The following SHANK2 variants were observed in gnomAD, a reference collection of about 807,000 sequenced individuals.
SHANK2 encodes SH3 and multiple ankyrin repeat domains 2.
Under a neutral mutation model 133.7 loss-of-function variants are expected in SHANK2, and 43 were observed. That is an observed-to-expected ratio of 0.32 (90% CI 0.25 to 0.41). The LOEUF (loss-of-function observed/expected upper bound fraction) is 0.41, where lower values mean the gene tolerates loss of function less well. SHANK2 is among the 10% of genes least tolerant of loss of function. The pLI is 1.00. For missense variants in SHANK2, 1,994 were observed against 2,235.8 expected, an observed-to-expected ratio of 0.89 and a Z score of 2.18; for synonymous variants, 1,017 against 952.8, an observed-to-expected ratio of 1.07 and a Z score of -1.24.
chr11:70,802,483 C>T (rs927960990), intron 13 of SHANK2, among the ~76,000 whole-genome samples: 6 of 152,180 alleles, frequency 3.9e-5, no homozygotes, highest in African/African-American at 1.2e-4. Context: ...CAGGTCACTG[C>T]GGAGGAGGGA....
chr11:71,119,673 C>T (rs1297856522), intron 3 of SHANK2, among the ~76,000 whole-genome samples: 4 of 152,066 alleles, frequency 2.6e-5, no homozygotes, highest in African/African-American at 7.2e-5. Context: ...TTGCATGGCA[C>T]TTCTCAAACT....
At chr11:70,903,419 A>ATAAAATAAAAT in intron 10 of SHANK2, among the ~76,000 whole-genome samples, 1 of 149,674 alleles carries the variant, frequency 6.7e-6, no homozygotes, top group East Asian at 2.0e-4. Flanking sequence ...ATAAAATAAA[A>ATAAAATAAAAT]TAAAATAAAA....
rs1284056626 is a variant in SHANK2 at position 71,085,710 on chromosome 11, A to ATATATTATAT, written c.912+6702_912+6711dup. The stretch of plus-strand genomic sequence containing the variant: ...TAATATATAACATATTATATGTTAT[A>ATATATTATAT]TATATTATATTATATAAAATATAAT... On this transcript the variant is annotated intron_variant, in intron 8 of 25. Transcript: ENST00000601538. Among the ~76,000 whole-genome samples the ATATATTATAT allele has an allele frequency of 1.9e-3, 121 of 63,854 alleles. 4 individuals are homozygous for ATATATTATAT. Among genetic ancestry groups the ATATATTATAT allele is most frequent in the African/African-American group, 7.3e-3 (117 of 15,982 alleles). The allele number at this position is 63,854 out of a possible 152,430, so 41.9% of individuals were successfully genotyped here. A position where few individuals can be genotyped will look rare whatever the true frequency, so the allele number is the denominator to read the frequency against.
chr11:70,533,581 C>T (rs145585145), intron 17 of SHANK2, among the ~76,000 whole-genome samples: 489 of 152,272 alleles, frequency 3.2e-3, no homozygotes, highest in Middle Eastern at 6.8e-3. Flanking sequence ...ATGCTGGGTG[C>T]CCCTCTGTTC....
At chr11:71,108,276 A>G (rs1951831642) in intron 6 of SHANK2, among the ~76,000 whole-genome samples, 1 of 152,208 alleles carries the variant, frequency 6.6e-6, no homozygotes, top group Admixed American at 6.5e-5. Context: ...CATCCACGTC[A>G]GGGAAAGATG....
At chr11:71,232,745 A>G (rs1359237536) in intron 1 of SHANK2, among the ~76,000 whole-genome samples, 2 of 152,166 alleles carry the variant, frequency 1.3e-5, no homozygotes, top group Non-Finnish European at 2.9e-5. Context: ...AACATGTGTT[A>G]ATGGACTGTT....
rs891355357 is a variant in SHANK2 at position 70,940,943 on chromosome 11, G to A, written c.1108-44376C>T. ...AGCTCCCAAGTGTGCTATGTGGCAG[G>A]GAGATGATGACCACGGGACTGGCCT... On this transcript the variant is annotated intron_variant, in intron 10 of 25. Coordinates refer to ENST00000601538, the MANE Select transcript of SHANK2 (RefSeq NM_012309.5). 5.9e-5 allele frequency among the ~76,000 whole-genome samples: 9 copies of A among 152,260 alleles called. No homozygotes were observed. The South Asian group carries it at 1.9e-3, about 32-fold the overall frequency.
In SHANK2 at chr11:70,471,273, A is replaced by G. The variant is rs548609872; in HGVS notation, c.*1596T>C. 11 of 398,888 alleles carry G rather than the reference A, an allele frequency of 2.8e-5. No homozygotes were observed. The highest frequency in any genetic ancestry group is 1.6e-4 in the African/African-American group (8 of 48,740). The allele number at this position is 398,888 out of a possible 1,614,324, so 24.7% of individuals were successfully genotyped here. A position where few individuals can be genotyped will look rare whatever the true frequency, so the allele number is the denominator to read the frequency against. On this transcript the variant is annotated 3_prime_UTR_variant, in exon 26 of 26. Transcript: ENST00000601538. This position sits in a 1 kb window ranked among gnomAD's most constrained non-coding sequence, Gnocchi z 4.1. ...TAATCAAGAAAAAAAGGAAAAAAAA[A>G]AAACAAAACCATGTTTTATAATTAG...
chr11:70,802,839 G>T (rs1948075622), intron 13 of SHANK2, among the ~76,000 whole-genome samples: 1 of 152,208 alleles, frequency 6.6e-6, no homozygotes, highest in Non-Finnish European at 1.5e-5. Context: ...TTGCCAGAAT[G>T]GGGGCTTGCA....
At chr11:70,774,810 A>C (rs782731535) in intron 14 of SHANK2, among the ~76,000 whole-genome samples, 1 of 152,224 alleles carries the variant, frequency 6.6e-6, no homozygotes, top group Non-Finnish European at 1.5e-5. Flanking sequence ...TCCTGTGTGA[A>C]TTCCTTCGGA....
chr11:70,843,676 C>T (rs1199724499), intron 11 of SHANK2, among the ~76,000 whole-genome samples: 5 of 152,032 alleles, frequency 3.3e-5, no homozygotes, highest in East Asian at 3.9e-4. Flanking sequence ...ACCTTGATCT[C>T]GAGCTCCAGC....
intron 12 of SHANK2, among the ~76,000 whole-genome samples, chr11:70,812,493 C>T (rs1948300826): frequency 6.6e-6 from 1 of 152,212 alleles, no homozygotes; most frequent in South Asian, 2.1e-4. Flanking sequence ...TATGGAAATA[C>T]AGAGCTGGTC....
At chr11:71,180,823 C>T (rs1953539809) in intron 2 of SHANK2, among the ~76,000 whole-genome samples, 1 of 152,060 alleles carries the variant, frequency 6.6e-6, no homozygotes, top group African/African-American at 2.4e-5. Context: ...ACATATACCA[C>T]TGGAGAGGAA....
At chr11:70,502,110 G>T (rs2059062906) in intron 19 of SHANK2, 96 bp downstream of exon 19, 7 of 1,397,508 alleles carry the variant, frequency 5.0e-6, no homozygotes, top group Non-Finnish European at 6.9e-6. Flanking sequence ...GGGGTAGCGA[G>T]CAAGCGTGGG....
At chr11:70,730,100 T>C (rs969313660) in intron 14 of SHANK2, among the ~76,000 whole-genome samples, 6 of 152,074 alleles carry the variant, frequency 3.9e-5, no homozygotes, top group African/African-American at 1.4e-4. Context: ...TAGAAGGGCC[T>C]TGGAGAGGAG....
In SHANK2 at chr11:71,129,376, A is replaced by C. The variant is rs117253486; in HGVS notation, c.208-10344T>G. 4.9e-3 allele frequency among the ~76,000 whole-genome samples: 751 copies of C among 152,134 alleles called. 31 individuals are homozygous for C. The East Asian group carries it at 0.087, about 18-fold the overall frequency. Reference sequence around the variant, plus strand: ...GAGCTAGGGTTGGCCATGCTGTTGAACAGAGTGATACATCTACACCCCTCT... The same window carrying C: ...GAGCTAGGGTTGGCCATGCTGTTGACCAGAGTGATACATCTACACCCCTCT... On this transcript the variant is annotated intron_variant, in intron 3 of 25. Coordinates refer to ENST00000601538, the MANE Select transcript of SHANK2 (RefSeq NM_012309.5).
intron 17 of SHANK2, among the ~76,000 whole-genome samples, chr11:70,639,982 G>A (rs1046064974): frequency 6.6e-6 from 1 of 152,220 alleles, no homozygotes; most frequent in East Asian, 1.9e-4. Context: ...AGGCCCGTCT[G>A]GGGCTCAGAG....
At chr11:71,132,904 T>C (rs1205569167) in intron 3 of SHANK2, among the ~76,000 whole-genome samples, 1 of 152,158 alleles carries the variant, frequency 6.6e-6, no homozygotes, top group Non-Finnish European at 1.5e-5. Flanking sequence ...GTTTTCATTG[T>C]TGTATTACAG....
At chr11:70,629,802 C>A (rs551461260) in intron 17 of SHANK2, among the ~76,000 whole-genome samples, 4 of 152,242 alleles carry the variant, frequency 2.6e-5, no homozygotes, top group African/African-American at 9.6e-5. Flanking sequence ...CTCAGTTTCC[C>A]CAAGTGTGCA....
Sources: gnomAD v4.1 joint callset for allele counts (sites outside exome capture counted in the v4.1 genomes callset) on GRCh38, gnomAD v4.1.1 for gene constraint, Gnocchi (gnomAD v3.1) non-coding constraint, MANE v1.5 for transcripts, NCBI Gene and HGNC (gene_info 2026-07-23, HGNC 2026-07-21) for gene names.